RWDD4: variants seen among roughly 807,000 people sequenced by gnomAD.
The protein encoded by RWDD4 is RWD domain-containing protein 4.
A neutral mutation model predicts 30.0 loss-of-function variants in RWDD4; 16 were observed. The ratio of observed to expected loss-of-function variants is 0.53; its 90% CI spans 0.36 to 0.81. The LOEUF (loss-of-function observed/expected upper bound fraction) is 0.81. Among genes scored for constraint, RWDD4 ranks in the 30% least tolerant of loss-of-function variants. The probability of loss-of-function intolerance (pLI) is 0.00; values close to 1 mark genes in which losing one functional copy is unlikely to be tolerated. For synonymous variants in RWDD4, 45 were observed against 72.1 expected, an observed-to-expected ratio of 0.62 and a Z score of 1.90; for missense variants, 170 against 223.9, an observed-to-expected ratio of 0.76 and a Z score of 1.54.
chr4:183,655,856 T>G (rs1380523876), intron 2 of RWDD4, 25 bp downstream of exon 2: 1 of 1,456,032 alleles, frequency 6.9e-7, no homozygotes, highest in East Asian at 2.3e-5. Flanking sequence ...AAGTTCTAAG[T>G]GCTCTTATTC....
At chr4:183,655,477 G>A (rs1240476336) in intron 2 of RWDD4, among the ~76,000 whole-genome samples, 1 of 151,370 alleles carries the variant, frequency 6.6e-6, no homozygotes, top group Non-Finnish European at 1.5e-5. Context: ...GAGACAGTGG[G>A]GTTTCACCAT....
intron 5 of RWDD4, among the ~76,000 whole-genome samples, chr4:183,648,845 CT>C (rs1325573764): frequency 4.7e-5 from 7 of 147,780 alleles, no homozygotes; most frequent in Admixed American, 6.8e-5. Context: ...TAAATATTTT[CT>C]TTTTTTTTTC....
At position 183,651,050 on chromosome 4, in the gene RWDD4, T is replaced by C. The variant is rs773989802; in HGVS notation, c.297A>G (p.Thr99=). The part of the protein sequence containing the change: ...EANLGTAMTY[T]LFEYAKDNKE... ...TATTGTCTTTGGCATATTCAAACAA[T>C]GTATAGGTCATAGCGGTTCCAAGAT... The change falls in exon 4 of 8, where the codon ACA becomes ACG. Residue 99 remains threonine (T), a synonymous_variant. Coordinates refer to ENST00000326397, the MANE Select transcript of RWDD4 (RefSeq NM_152682.4). 5 of 1,613,562 alleles carry C rather than the reference T, an allele frequency of 3.1e-6. No individual in the cohort carries two copies. Among genetic ancestry groups the C allele is most frequent in the South Asian group, 1.1e-5 (1 of 91,060 alleles).
chr4:183,644,044 ACTT>A (rs1245020183), intron 7 of RWDD4, among the ~76,000 whole-genome samples: 1 of 152,200 alleles, frequency 6.6e-6, no homozygotes, highest in Non-Finnish European at 1.5e-5. Context: ...ACTCTTAAAA[ACTT>A]CTGGAGCTAG....
chr4:183,649,344 G>A lies in RWDD4; in HGVS notation c.481+107C>T, dbSNP rs1439754390. The A allele has an allele frequency of 5.2e-5, 35 of 672,150 alleles. No homozygotes were observed. The East Asian group carries it at 6.7e-4, about 13-fold the overall frequency. The allele number at this position is 672,150 out of a possible 1,614,324, so 41.6% of individuals were successfully genotyped here. A position where few individuals can be genotyped will look rare whatever the true frequency, so the allele number is the denominator to read the frequency against. On this transcript the variant is annotated intron_variant, in intron 5 of 7. Coordinates refer to ENST00000326397, the MANE Select transcript of RWDD4 (RefSeq NM_152682.4). Reference sequence around the variant, plus strand: ...CAGGAGAATCGCATGAGCCTGGGAGGTGGAGGCTGCAGTGAGCTGAGATCA... The same window carrying A: ...CAGGAGAATCGCATGAGCCTGGGAGATGGAGGCTGCAGTGAGCTGAGATCA...
chr4:183,656,193 G>A (rs190586721), intron 1 of RWDD4: 7 of 354,052 alleles, frequency 2.0e-5, no homozygotes, highest in East Asian at 1.3e-4. Flanking sequence ...ATGTATGATC[G>A]CGCTGACTTC....
Position 183,642,400 on chromosome 4 carries a change from A to G in RWDD4, c.535-932T>C, listed in dbSNP as rs1254669546. On this transcript the variant is annotated intron_variant, in intron 7 of 7. Transcript: ENST00000326397. Reference sequence around the variant, plus strand: ...GAGACGGGGTTTCACCGTGTTAGCCAGGATGGTCTCGATCTCCTGACCTCG... The same window carrying G: ...GAGACGGGGTTTCACCGTGTTAGCCGGGATGGTCTCGATCTCCTGACCTCG... Among the ~76,000 whole-genome samples the G allele has an allele frequency of 3.5e-5, 3 of 85,754 alleles. 1 individual carries two copies. The highest frequency in any genetic ancestry group is 7.2e-4 in the East Asian group (2 of 2,796). The allele number at this position is 85,754 out of a possible 152,430, so 56.3% of individuals were successfully genotyped here.
intron 2 of RWDD4, among the ~76,000 whole-genome samples, chr4:183,654,408 A>G (rs1050594202): frequency 2.6e-5 from 4 of 152,194 alleles, no homozygotes; most frequent in Non-Finnish European, 2.9e-5. Flanking sequence ...AGGCTACCAG[A>G]CTATTCCGTG....
chr4:183,650,217 C>A (rs1295691826), intron 4 of RWDD4, among the ~76,000 whole-genome samples: 2 of 152,314 alleles, frequency 1.3e-5, no homozygotes, highest in East Asian at 3.9e-4. Context: ...CCGAAAGTCA[C>A]AGAGTTGGTG....
At chr4:183,649,403 A>C (rs148656509) in intron 5 of RWDD4, 48 bp downstream of exon 5, 17 of 1,245,586 alleles carry the variant, frequency 1.4e-5, no homozygotes, top group Non-Finnish European at 1.9e-5. Context: ...AACAAGAGTG[A>C]GACTCTGTCA....
At position 183,658,962 on chromosome 4, in the gene RWDD4, C is replaced by T. The variant is rs1198583318; in HGVS notation, c.-10G>A. 41 of 1,275,350 alleles carry T rather than the reference C, an allele frequency of 3.2e-5. No individual in the cohort carries two copies. The highest frequency in any genetic ancestry group is 1.1e-4 in the African/African-American group (7 of 65,958). The allele number at this position is 1,275,350 out of a possible 1,614,324, so 79.0% of individuals were successfully genotyped here. A position where few individuals can be genotyped will look rare whatever the true frequency, so the allele number is the denominator to read the frequency against. On this transcript the variant is annotated 5_prime_UTR_variant, in exon 1 of 8. Transcript: ENST00000326397. ...CCTCGTTGGCACTCATCGCGCCGGT[C>T]GCGGGGCGCCTCCTGAGCGGACGGC... is the stretch of plus-strand genomic sequence containing the variant.
chr4:183,646,337 T>C lies in RWDD4; in HGVS notation c.534+14A>G, dbSNP rs763547277. 3 of 979,050 alleles carry C rather than the reference T, an allele frequency of 3.1e-6. No homozygotes were observed. The South Asian group carries it at 3.9e-5, about 13-fold the overall frequency. 60.6% of individuals were successfully genotyped at this position (979,050 alleles called of 1,614,324 possible). ...GGAAAAGAAGAATGTAAAAGGTATT[T>C]CAAAAATACTTACATGCTGAATGTA... On this transcript the variant is annotated intron_variant, in intron 7 of 7. Transcript: ENST00000326397.
intron 7 of RWDD4, among the ~76,000 whole-genome samples, chr4:183,643,431 A>AAAAAAAAAAAAAAAAT (rs1733906414): frequency 7.0e-6 from 1 of 142,652 alleles, no homozygotes; most frequent in African/African-American, 2.5e-5. Flanking sequence ...AAAAAAAAAA[A>AAAAAAAAAAAAAAAAT]AAAAAAAAAA....
At chr4:183,649,111 G>T (rs1475405479) in intron 5 of RWDD4, among the ~76,000 whole-genome samples, 1 of 151,900 alleles carries the variant, frequency 6.6e-6, no homozygotes, top group African/African-American at 2.4e-5. Context: ...CATTTATCTG[G>T]GTTATAAAAG....
intron 7 of RWDD4, among the ~76,000 whole-genome samples, chr4:183,642,915 C>T (rs890068111): frequency 2.0e-5 from 3 of 150,798 alleles, no homozygotes; most frequent in Non-Finnish European, 4.4e-5. Context: ...AAAAATTACC[C>T]GGGCATGGTG....
chr4:183,656,720 C>A (rs1287320538), intron 1 of RWDD4, among the ~76,000 whole-genome samples: 2 of 152,126 alleles, frequency 1.3e-5, no homozygotes, highest in African/African-American at 4.8e-5. Flanking sequence ...GATCTACAGT[C>A]AAAATTTTAG....
chr4:183,642,544 C>G (rs1217911426), intron 7 of RWDD4, among the ~76,000 whole-genome samples: 1 of 152,132 alleles, frequency 6.6e-6, no homozygotes, highest in African/African-American at 2.4e-5. Flanking sequence ...CACAAATATG[C>G]TTCAACAGTA....
chr4:183,644,360 A>T (rs2111230605), intron 7 of RWDD4, among the ~76,000 whole-genome samples: 1 of 152,396 alleles, frequency 6.6e-6, no homozygotes, highest in East Asian at 1.9e-4. Flanking sequence ...TCCAATTGTA[A>T]GTTAGGGCCC....
chr4:183,652,432 G>GT (rs934518649), intron 2 of RWDD4, among the ~76,000 whole-genome samples: 1 of 150,384 alleles, frequency 6.6e-6, no homozygotes, highest in Non-Finnish European at 1.5e-5. Flanking sequence ...TCACGGGGCG[G>GT]TCACAGCGAG....
Sources: allele counts gnomAD v4.1 joint callset (sites outside exome capture counted in the v4.1 genomes callset), GRCh38; gene constraint gnomAD v4.1.1; transcripts MANE v1.5; gene names NCBI Gene and HGNC (gene_info 2026-07-23, HGNC 2026-07-21).